BRK1: variants seen among roughly 807,000 people sequenced by gnomAD.
BRK1 encodes the protein BRICK1 subunit of SCAR/WAVE actin nucleating complex.
In BRK1, 6 loss-of-function variants were observed where a neutral mutation model predicts 9.9. The observed-to-expected ratio is 0.60, with a 90% CI of 0.33 to 1.19. BRK1 has a LOEUF of 1.19. Among genes scored for constraint, BRK1 ranks in the 50% most tolerant of loss-of-function variants. The pLI, the probability that BRK1 is intolerant of heterozygous loss-of-function variation, is 0.04. For synonymous variants in BRK1, 44 were observed against 31.9 expected, an observed-to-expected ratio of 1.38 and a Z score of -1.28; for missense variants, 62 against 97.5, an observed-to-expected ratio of 0.64 and a Z score of 1.53.
intron 1 of BRK1, among the ~76,000 whole-genome samples, chr3:10,117,871 A>C (rs1695707539): frequency 6.6e-6 from 1 of 152,218 alleles, no homozygotes; most frequent in East Asian, 1.9e-4. Context: ...ATTTAGAGAA[A>C]ATAACAATTA....
In BRK1 at chr3:10,120,973, CA is replaced by C. The variant is rs996447592; in HGVS notation, c.119-4648del. ...CATACATAACGTGCTTTCAGACTTC[CA>C]AAAACCAGACTGAAAAGAGGCTTGG... On this transcript the variant is annotated intron_variant, in intron 1 of 2. Coordinates refer to ENST00000530758, the MANE Select transcript of BRK1 (RefSeq NM_018462.5). Among the ~76,000 whole-genome samples, 45 of 152,282 alleles carry C rather than the reference CA, an allele frequency of 3.0e-4. 1 individual carries two copies. In the Middle Eastern group the frequency reaches 0.02, roughly 69 times the overall value.
intron 1 of BRK1, 44 bp downstream of exon 1, chr3:10,115,863 G>A: frequency 6.5e-7 from 1 of 1,528,658 alleles, no homozygotes; most frequent in Non-Finnish European, 9.1e-7. Context: ...GGAGGCCGCT[G>A]AGGTGGTTGG....
Position 10,124,458 on chromosome 3 carries a change from CA to C in BRK1, c.119-1157del, listed in dbSNP as rs200771502. On this transcript the variant is annotated intron_variant, in intron 1 of 2. Transcript: ENST00000530758. The stretch of plus-strand genomic sequence containing the variant: ...CTGGAAACAGAGTGAGACTCCATCT[CA>C]AAAAAAAAAACCAAAAAAACAAATT... 4.5e-3 allele frequency among the ~76,000 whole-genome samples: 640 copies of C among 142,052 alleles called. 7 individuals carry two copies. Among genetic ancestry groups the C allele is most frequent in the Admixed American group, 4.9e-3 (70 of 14,184 alleles). The allele number at this position is 142,052 out of a possible 152,430, so 93.2% of individuals were successfully genotyped here. A position where few individuals can be genotyped will look rare whatever the true frequency, so the allele number is the denominator to read the frequency against.
At chr3:10,125,813 G>T in intron 2 of BRK1, 105 bp downstream of exon 2, 1 of 794,524 alleles carries the variant, frequency 1.3e-6, no homozygotes, top group African/African-American at 1.7e-5. Flanking sequence ...AGCACTGGCC[G>T]GACATGGTGG....
intron 2 of BRK1, 73 bp from the exon 3 acceptor site, chr3:10,126,196 C>T: frequency 8.9e-7 from 1 of 1,120,894 alleles, no homozygotes; most frequent in Non-Finnish European, 1.2e-6. Flanking sequence ...TGCCTAGGAT[C>T]TAAAGATTTT....
chr3:10,125,743 T>A, intron 2 of BRK1, 35 bp downstream of exon 2: 1 of 1,450,636 alleles, frequency 6.9e-7, no homozygotes, highest in Non-Finnish European at 9.6e-7. Flanking sequence ...CCAGAGAGAA[T>A]GCACATTTCC....
Position 10,126,498 on chromosome 3 carries a change from G to T in BRK1, c.*203G>T. ...GGGAAGAAGTTCAGAGGAACCGTTG[G>T]AAACGACGTTAGGCATTTTACCTTT... On this transcript the variant is annotated 3_prime_UTR_variant, in exon 3 of 3. Coordinates refer to ENST00000530758, the MANE Select transcript of BRK1 (RefSeq NM_018462.5). 2.1e-6 allele frequency: 1 copy of T among 478,528 alleles called. No individual in the cohort carries two copies. The highest frequency in any genetic ancestry group is 3.7e-6 in the Non-Finnish European group (1 of 269,206). 29.6% of individuals were successfully genotyped at this position (478,528 alleles called of 1,614,324 possible).
Position 10,125,688 on chromosome 3 carries a change from A to G in BRK1, c.181A>G (p.Ile61Val), listed in dbSNP as rs376431899. ...NEKLTALERR[I>V]EYIEARVTKG... ...GAAATTGACAGCCCTTGAACGGAGAATAGAGTACATTGAAGCTCGGGTGAG... is the reference window on the plus strand; with the variant it reads ...GAAATTGACAGCCCTTGAACGGAGAGTAGAGTACATTGAAGCTCGGGTGAG... Residue 61 changes from isoleucine to valine, a missense_variant, in exon 2 of 3, where the codon ATA becomes GTA. Physicochemically the swap from Ile to Val is conservative, Grantham distance 29. Transcript: ENST00000530758. The G allele has an allele frequency of 1.2e-6, 2 of 1,612,798 alleles. No homozygotes were observed. Among genetic ancestry groups the G allele is most frequent in the East Asian group, 2.2e-5 (1 of 44,870 alleles).
chr3:10,123,701 G>A (rs697818), intron 1 of BRK1, among the ~76,000 whole-genome samples: 1 of 139,398 alleles, frequency 7.2e-6, no homozygotes, highest in African/African-American at 2.9e-5. Context: ...ACAAAGTGCT[G>A]GGATTACAGG....
intron 1 of BRK1, among the ~76,000 whole-genome samples, chr3:10,122,387 A>G (rs1295485483): frequency 1.3e-5 from 2 of 152,176 alleles, no homozygotes; most frequent in Admixed American, 6.5e-5. Flanking sequence ...ATAACCAAAG[A>G]CCAAGTACAT....
At chr3:10,124,041 C>T (rs373027639) in intron 1 of BRK1, among the ~76,000 whole-genome samples, 12 of 151,996 alleles carry the variant, frequency 7.9e-5, no homozygotes, top group African/African-American at 2.7e-4. Context: ...AGCCTCGTTT[C>T]TTTCCTGTTG....
intron 1 of BRK1, among the ~76,000 whole-genome samples, chr3:10,117,917 A>G (rs1695708051): frequency 6.6e-6 from 1 of 152,226 alleles, no homozygotes; most frequent in Admixed American, 6.5e-5. Context: ...ATAATGCAGG[A>G]TTAACAGTCA....
intron 1 of BRK1, 27 bp downstream of exon 1, chr3:10,115,846 G>A (rs917365844): frequency 2.5e-6 from 4 of 1,577,356 alleles, no homozygotes; most frequent in Non-Finnish European, 3.5e-6. Flanking sequence ...GGGGAGGCGG[G>A]GAGGAGGGAG....
intron 1 of BRK1, among the ~76,000 whole-genome samples, chr3:10,122,995 C>T (rs865936653): frequency 1.3e-5 from 2 of 152,058 alleles, no homozygotes; most frequent in East Asian, 1.9e-4. Context: ...TAAATCATTG[C>T]GTGGGAGAGT....
chr3:10,116,106 C>CCAT (rs1695681978), intron 1 of BRK1, among the ~76,000 whole-genome samples: 2 of 152,172 alleles, frequency 1.3e-5, no homozygotes, highest in Admixed American at 1.3e-4. Context: ...CATCCTCGCT[C>CCAT]CGTGGTTCTT....
In BRK1 at chr3:10,126,424, CAA is replaced by C; in HGVS notation, c.*132_*133del. Reference sequence around the variant, plus strand: ...GGGCTTATTCTTGTTTTTCTTTTTTCAAAAGTGTGGCCTTTGGGCTCTGCCAT... The same window carrying C: ...GGGCTTATTCTTGTTTTTCTTTTTTCAAGTGTGGCCTTTGGGCTCTGCCAT... On this transcript the variant is annotated 3_prime_UTR_variant, in exon 3 of 3. Transcript: ENST00000530758. The C allele has an allele frequency of 1.1e-6, 1 of 884,944 alleles. No individual in the cohort carries two copies. The highest frequency in any genetic ancestry group is 2.7e-5 in the Admixed American group (1 of 36,948). 54.8% of individuals were successfully genotyped at this position (884,944 alleles called of 1,614,324 possible).
At position 10,126,829 on chromosome 3, in the gene BRK1, T is replaced by C. The variant is rs1488098774; in HGVS notation, c.*534T>C. 2 of 153,004 alleles carry C rather than the reference T, an allele frequency of 1.3e-5. No individual in the cohort carries two copies. Among genetic ancestry groups the C allele is most frequent in the African/African-American group, 4.8e-5 (2 of 41,464 alleles). 9.5% of individuals were successfully genotyped at this position (153,004 alleles called of 1,614,324 possible). A position where few individuals can be genotyped will look rare whatever the true frequency, so the allele number is the denominator to read the frequency against. ...GGAGAGGTCAAGGCCAGGCCCCCAC[T>C]TGGCTTGAAGGGACATTTTCAGACT... On this transcript the variant is annotated 3_prime_UTR_variant, in exon 3 of 3. Coordinates refer to ENST00000530758, the MANE Select transcript of BRK1 (RefSeq NM_018462.5).
chr3:10,125,568 G>T, intron 1 of BRK1, 58 bp from the exon 2 acceptor site: 3 of 1,000,076 alleles, frequency 3.0e-6, no homozygotes, highest in Non-Finnish European at 4.6e-6. Context: ...GGTGTTGTGT[G>T]TGTCTGTGTC....
At chr3:10,115,843 C>A (rs552644461) in intron 1 of BRK1, 24 bp downstream of exon 1, 20 of 1,586,774 alleles carry the variant, frequency 1.3e-5, no homozygotes, top group Non-Finnish European at 1.6e-5. Context: ...CAAGGGGAGG[C>A]GGGGAGGAGG....
Sources: allele counts gnomAD v4.1 joint callset (sites outside exome capture counted in the v4.1 genomes callset), GRCh38; gene constraint gnomAD v4.1.1; transcripts MANE v1.5; gene names NCBI Gene and HGNC (gene_info 2026-07-23, HGNC 2026-07-21).